The following NTN4 variants were observed in gnomAD, a reference collection of about 807,000 sequenced individuals.
NTN4 encodes the protein netrin-4.
In NTN4, 32 loss-of-function variants were observed where a neutral mutation model predicts 73.6. The ratio of observed to expected loss-of-function variants is 0.44; its 90% CI spans 0.33 to 0.58. The LOEUF is 0.58. NTN4 is among the 20% of genes least tolerant of loss of function. NTN4 has a pLI of 0.04. For missense variants in NTN4, 654 were observed against 798.3 expected, an observed-to-expected ratio of 0.82 and a Z score of 2.18; for synonymous variants, 258 against 287.5, an observed-to-expected ratio of 0.90 and a Z score of 1.04.
At chr12:95,738,801 C>G (rs990189011) in intron 2 of NTN4, among the ~76,000 whole-genome samples, 1 of 152,148 alleles carries the variant, frequency 6.6e-6, no homozygotes, top group Non-Finnish European at 1.5e-5. Flanking sequence ...CAGACCTGTC[C>G]TCAGTGAAAT....
chr12:95,706,434 CTATCT>C (rs1195267317), intron 5 of NTN4, among the ~76,000 whole-genome samples: 2 of 152,132 alleles, frequency 1.3e-5, no homozygotes, highest in Non-Finnish European at 2.9e-5. Context: ...GTACATTTAC[CTATCT>C]TATGACTTTA....
chr12:95,726,016 A>G (rs981926033), intron 3 of NTN4, among the ~76,000 whole-genome samples: 13 of 151,416 alleles, frequency 8.6e-5, no homozygotes, highest in Admixed American at 2.0e-4. Context: ...AAAGAAATAT[A>G]TTTATTCTGT....
chr12:95,787,250 A>T lies in NTN4; in HGVS notation c.274T>A (p.Ser92Thr). 6.2e-7 allele frequency: 1 copy of T among 1,614,224 alleles called. No homozygotes were observed. The highest frequency in any genetic ancestry group is 8.5e-7 in the Non-Finnish European group (1 of 1,180,032). Residue 92 changes from serine to threonine, a missense_variant, in exon 2 of 10, where the codon TCT becomes ACT. Physicochemically the swap from Ser to Thr is moderately conservative, Grantham distance 58 (BLOSUM62 1). Coordinates refer to ENST00000343702, the MANE Select transcript of NTN4 (RefSeq NM_021229.4). ...CGGAAGGATGAGTCTGCCATGGCAG[A>T]TGGCAGGTGAGCCAGGTGAGGATAG... ...AAYPHLAHLP[S>T]AMADSSFRFP...
chr12:95,769,432 G>A (rs574054564), intron 2 of NTN4, among the ~76,000 whole-genome samples: 25 of 151,542 alleles, frequency 1.6e-4, no homozygotes, highest in Non-Finnish European at 2.6e-4. Context: ...AACTTCAGCC[G>A]AATTAGATTT....
rs2078103824 is a variant in NTN4, at chr12:95,657,874, A to G, written c.*1212T>C. The G allele has an allele frequency of 6.6e-6, 1 of 152,548 alleles. No homozygotes were observed. Among genetic ancestry groups the G allele is most frequent in the Non-Finnish European group, 1.5e-5 (1 of 68,016 alleles). The allele number at this position is 152,548 out of a possible 1,614,324, so 9.4% of individuals were successfully genotyped here. On this transcript the variant is annotated 3_prime_UTR_variant, in exon 10 of 10. Coordinates refer to ENST00000343702, the MANE Select transcript of NTN4 (RefSeq NM_021229.4). ...AATTAACAAAGCAATATATATATAT[A>G]TTTGCAAGTCCACAGGACTTCAGAG...
chr12:95,748,245 A>AG (rs1243753909), intron 2 of NTN4, among the ~76,000 whole-genome samples: 38 of 83,178 alleles, frequency 4.6e-4, no homozygotes, highest in African/African-American at 1.2e-3. Flanking sequence ...AAAAAAAAAA[A>AG]AAAGAAAAGA....
chr12:95,681,598 T>A (rs2078316485), intron 7 of NTN4, among the ~76,000 whole-genome samples: 2 of 152,230 alleles, frequency 1.3e-5, no homozygotes, highest in African/African-American at 4.8e-5. Context: ...TTTGAGTTTG[T>A]GTTAAGGAGC....
rs2079192236 is a variant in NTN4 at position 95,789,483 on chromosome 12, C to G, written c.55+772G>C. On this transcript the variant is annotated intron_variant, in intron 1 of 9. Coordinates refer to ENST00000343702, the MANE Select transcript of NTN4 (RefSeq NM_021229.4). This position sits in a 1 kb window ranked among gnomAD's most constrained non-coding sequence, Gnocchi z 4.0. The stretch of plus-strand genomic sequence containing the variant: ...GAGGGAGAGGAGCAGAAGGGGCTCC[C>G]GAATACAGAAACCACGAGCCAGGAG... Among the ~76,000 whole-genome samples the G allele has an allele frequency of 6.6e-6, 1 of 152,126 alleles. No individual in the cohort carries two copies. The highest frequency in any genetic ancestry group is 2.1e-4 in the South Asian group (1 of 4,822).
intron 2 of NTN4, among the ~76,000 whole-genome samples, chr12:95,742,613 G>A (rs2078834861): frequency 6.6e-6 from 1 of 152,166 alleles, no homozygotes; most frequent in Non-Finnish European, 1.5e-5. Context: ...TTAGCTGCTA[G>A]CTTGAGGAAT....
At chr12:95,725,133 AAG>A (rs1471209954) in intron 3 of NTN4, among the ~76,000 whole-genome samples, 1 of 152,018 alleles carries the variant, frequency 6.6e-6, no homozygotes, top group Non-Finnish European at 1.5e-5. Context: ...TAATTTTAGA[AAG>A]AGGCAGCAAA....
At chr12:95,721,944 T>G (rs974180677) in intron 3 of NTN4, among the ~76,000 whole-genome samples, 3 of 151,978 alleles carry the variant, frequency 2.0e-5, no homozygotes, top group African/African-American at 4.8e-5. Flanking sequence ...ACACACACAC[T>G]CACACACAAA....
rs2079186958 is a variant in NTN4, at chr12:95,788,780, T to C, written c.56-1312A>G. Among the ~76,000 whole-genome samples, 3 of 152,206 alleles carry C rather than the reference T, an allele frequency of 2.0e-5. No individual in the cohort carries two copies. In the South Asian group the frequency reaches 6.2e-4, roughly 31 times the overall value. On this transcript the variant is annotated intron_variant, in intron 1 of 9. Coordinates refer to ENST00000343702, the MANE Select transcript of NTN4 (RefSeq NM_021229.4). ...TTATGCCTGGGTTCTGTTTGCCACT[T>C]TTCTCATTAGCTGGGGCAACAGTTG...
At chr12:95,681,147 C>T (rs1019402646) in intron 7 of NTN4, among the ~76,000 whole-genome samples, 2 of 144,848 alleles carry the variant, frequency 1.4e-5, no homozygotes, top group African/African-American at 5.2e-5. Flanking sequence ...CAAGATTGTG[C>T]CACTGCACTC....
intron 5 of NTN4, among the ~76,000 whole-genome samples, chr12:95,696,967 C>G (rs1198846681): frequency 6.6e-6 from 1 of 151,530 alleles, no homozygotes; most frequent in Non-Finnish European, 1.5e-5. Flanking sequence ...CCCAGGAGTT[C>G]AAGACCAGCC....
intron 5 of NTN4, among the ~76,000 whole-genome samples, chr12:95,686,719 C>T (rs954493262): frequency 2.6e-4 from 38 of 148,072 alleles, no homozygotes; most frequent in Non-Finnish European, 5.6e-4. Context: ...GATTGTACCA[C>T]TGACCTCCAG....
chr12:95,682,057 C>CATTTTTTTT (rs2078320305), intron 7 of NTN4, among the ~76,000 whole-genome samples: 1 of 64,546 alleles, frequency 1.5e-5, no homozygotes, highest in Admixed American at 2.6e-4. Flanking sequence ...ATTCAGTAGG[C>CATTTTTTTT]TTTTTTTTTT....
At chr12:95,784,755 G>A (rs897354482) in intron 2 of NTN4, among the ~76,000 whole-genome samples, 5 of 150,966 alleles carry the variant, frequency 3.3e-5, no homozygotes, top group African/African-American at 1.2e-4. Context: ...TGACAGAGCG[G>A]GACTCAGTCT....
At chr12:95,663,652 CAAAG>C (rs1174167297) in intron 9 of NTN4, 1 of 152,204 alleles carries the variant, frequency 6.6e-6, no homozygotes, top group Non-Finnish European at 1.5e-5. Context: ...AATGGAAAAA[CAAAG>C]TAAAATGAAA....
At chr12:95,701,486 A>G (rs1452604512) in intron 5 of NTN4, among the ~76,000 whole-genome samples, 1 of 152,168 alleles carries the variant, frequency 6.6e-6, no homozygotes, top group African/African-American at 2.4e-5. Flanking sequence ...AAAAACAAAC[A>G]ACATCCCTGG....
Sources: allele counts gnomAD v4.1 joint callset (sites outside exome capture counted in the v4.1 genomes callset), GRCh38; gene constraint gnomAD v4.1.1; non-coding constraint Gnocchi (gnomAD v3.1); transcripts MANE v1.5; gene names NCBI Gene and HGNC (gene_info 2026-07-23, HGNC 2026-07-21).